C22orf15: variants seen among roughly 807,000 people sequenced by gnomAD.
C22orf15 encodes the protein uncharacterized protein C22orf15.
C22orf15 carries 21 observed loss-of-function variants against 20.3 expected under a neutral mutation model. The ratio of observed to expected loss-of-function variants is 1.04; its 90% CI spans 0.74 to 1.49. The LOEUF is 1.49. C22orf15 is among the 40% of genes most tolerant of loss of function. C22orf15 has a pLI of 0.00. For missense variants in C22orf15, 170 were observed against 191.1 expected (o/e 0.89, Z 0.65); for synonymous variants, 78 against 75.4 (o/e 1.03, Z -0.18).
In C22orf15 at chr22:23,764,812, AG is replaced by A. The variant is rs1404068001; in HGVS notation, c.347del (p.Gly116AlafsTer41). On this transcript the variant is annotated frameshift_variant, in exon 5 of 6. Transcript: ENST00000402217. LOFTEE classifies it high-confidence loss of function. ...TTCCAGAGGAACTGCGCAGGCTGTC[AG>A]GCCTCTCCTCTGTGGGCCACAACTG... The part of the protein sequence containing the change: ...ELAEELRRLS[G>X]LSSVGHNWRK... The A allele has an allele frequency of 1.2e-6, 2 of 1,613,946 alleles. No homozygotes were observed. The highest frequency in any genetic ancestry group is 2.7e-5 in the African/African-American group (2 of 74,940).
intron 5 of C22orf15, 157 bp from the exon 6 acceptor site, chr22:23,765,564 G>A (rs1235518816): frequency 6.5e-7 from 1 of 1,532,000 alleles, no homozygotes; most frequent in Non-Finnish European, 8.8e-7. Context: ...CCCTGATAAG[G>A]GGGAGACCAT....
chr22:23,763,549 C>T lies in C22orf15; in HGVS notation c.25+218C>T, dbSNP rs561158031. On this transcript the variant is annotated intron_variant, in intron 1 of 5. Coordinates refer to ENST00000402217, the MANE Select transcript of C22orf15 (RefSeq NM_182520.3). ...ACCCGAGCTGAGTCCTGCTCATTCA[C>T]AAGGGTTCCTCTCGGCCAGAGACCG... 2.0e-5 allele frequency among the ~76,000 whole-genome samples: 3 copies of T among 152,358 alleles called. No homozygotes were observed. The South Asian group carries it at 6.2e-4, about 32-fold the overall frequency.
In C22orf15 at chr22:23,764,653, G is replaced by A. The variant is rs554903635; in HGVS notation, c.265G>A (p.Ala89Thr). Residue 89 changes from alanine (A) to threonine (T), a missense_variant, in exon 4 of 6, where the codon GCC becomes ACC. Transcript: ENST00000402217. ...LVRIIKGEDMASTRYESLLEN... is the reference protein window; with the variant it reads ...LVRIIKGEDMTSTRYESLLEN... Reference sequence around the variant, plus strand: ...ACATGTCACAGAGGGAGAGGACATGGCCTCCACCCGCTATGAGTCCCTATT... The same window carrying A: ...ACATGTCACAGAGGGAGAGGACATGACCTCCACCCGCTATGAGTCCCTATT... 59 of 1,614,158 alleles carry A rather than the reference G, an allele frequency of 3.7e-5. No individual in the cohort carries two copies. In the South Asian group the frequency reaches 6.0e-4, roughly 17 times the overall value.
rs749086029 is a variant in C22orf15, at chr22:23,764,439, A to T, written c.250+42A>T. Reference sequence around the variant, plus strand: ...TTCTCTCCCCTGCAGCTATGGTAGAATGTAAGAGGGGGGCATAGCAGACCA... The same window carrying T: ...TTCTCTCCCCTGCAGCTATGGTAGATTGTAAGAGGGGGGCATAGCAGACCA... On this transcript the variant is annotated intron_variant, in intron 3 of 5. Coordinates refer to ENST00000402217, the MANE Select transcript of C22orf15 (RefSeq NM_182520.3). 1.2e-5 allele frequency: 20 copies of T among 1,601,762 alleles called. No individual in the cohort carries two copies. In the South Asian group the frequency reaches 2.0e-4, roughly 16 times the overall value.
intron 1 of C22orf15, among the ~76,000 whole-genome samples, chr22:23,763,645 C>G (rs928649470): frequency 2.6e-5 from 4 of 152,268 alleles, no homozygotes; most frequent in Admixed American, 6.5e-5. Flanking sequence ...CCTCAAGCTT[C>G]AGCGTGCATC....
intron 1 of C22orf15, among the ~76,000 whole-genome samples, chr22:23,763,756 G>A (rs1926111119): frequency 6.6e-6 from 1 of 152,210 alleles, no homozygotes; most frequent in Non-Finnish European, 1.5e-5. Context: ...GAGCCGGTGG[G>A]TGCGGAGGGC....
rs1926035485 is a variant in C22orf15 at position 23,763,421 on chromosome 22, G to T, written c.25+90G>T. On this transcript the variant is annotated intron_variant, in intron 1 of 5. Coordinates refer to ENST00000402217, the MANE Select transcript of C22orf15 (RefSeq NM_182520.3). The stretch of plus-strand genomic sequence containing the variant: ...TTCCGCCCTTGCGGTGGGTGGGGAG[G>T]CAATGGCGGGAAAGGGGGGTGGTGC... The T allele has an allele frequency of 2.2e-6, 3 of 1,373,690 alleles. No individual in the cohort carries two copies. The South Asian group carries it at 4.1e-5, about 19-fold the overall frequency. 85.1% of individuals were successfully genotyped at this position (1,373,690 alleles called of 1,614,324 possible). A position where few individuals can be genotyped will look rare whatever the true frequency, so the allele number is the denominator to read the frequency against.
intron 3 of C22orf15, 76 bp downstream of exon 3, chr22:23,764,473 C>T (rs1926339822): frequency 6.2e-7 from 1 of 1,602,766 alleles, no homozygotes; most frequent in Non-Finnish European, 8.5e-7. Context: ...CATAGACCAC[C>T]CAAGGCCCTG....
intron 5 of C22orf15, 110 bp from the exon 6 acceptor site, chr22:23,765,611 C>A: frequency 6.6e-7 from 1 of 1,513,960 alleles, no homozygotes; most frequent in South Asian, 1.3e-5. Flanking sequence ...GAGTCAGATG[C>A]CCTTGGGATC....
At chr22:23,765,024 A>G in intron 5 of C22orf15, 122 bp downstream of exon 5, 1 of 1,503,186 alleles carries the variant, frequency 6.7e-7, no homozygotes, top group Non-Finnish European at 8.8e-7. Flanking sequence ...ACATATGATG[A>G]GGGGCAGACC....
At position 23,764,577 on chromosome 22, in the gene C22orf15, G is replaced by C. The variant is rs148288019; in HGVS notation, c.251-62G>C. 1.1e-5 allele frequency: 17 copies of C among 1,586,862 alleles called. No homozygotes were observed. In the East Asian group the frequency reaches 3.8e-4, roughly 36 times the overall value. On this transcript the variant is annotated intron_variant, in intron 3 of 5. Coordinates refer to ENST00000402217, the MANE Select transcript of C22orf15 (RefSeq NM_182520.3). ...GGACTAGCAAACAGTTCCAGAGTGA[G>C]AGGCAGAGTAGGGACCATTAGGCCA...
At chr22:23,764,561 A>G (rs763394298) in intron 3 of C22orf15, 78 bp from the exon 4 acceptor site, 2 of 1,572,334 alleles carry the variant, frequency 1.3e-6, no homozygotes. Context: ...TGGACTAGCA[A>G]ACAGTTCCAG....
chr22:23,765,089 G>GAC (rs1926542324), intron 5 of C22orf15, 187 bp downstream of exon 5: 1 of 1,443,248 alleles, frequency 6.9e-7, no homozygotes, highest in African/African-American at 1.4e-5. Context: ...TGTACCCTGA[G>GAC]ACAGGTCCCC....
chr22:23,763,985 G>T, intron 1 of C22orf15, 102 bp from the exon 2 acceptor site: 1 of 1,170,680 alleles, frequency 8.5e-7, no homozygotes. Flanking sequence ...CATAGGCCCA[G>T]TCGCAGCTCT....
chr22:23,763,296 C>T lies in C22orf15; in HGVS notation c.-11C>T. 1 of 1,550,364 alleles carries T rather than the reference C, an allele frequency of 6.5e-7. No individual in the cohort carries two copies. Among genetic ancestry groups the T allele is most frequent in the Non-Finnish European group, 8.7e-7 (1 of 1,146,650 alleles). On this transcript the variant is annotated 5_prime_UTR_variant, in exon 1 of 6. Transcript: ENST00000402217. ...TCAAAGCCCCCCACATCTCCCTCAC[C>T]CGCTGCAGCTATGTTTATCAAGGTG...
intron 4 of C22orf15, 24 bp downstream of exon 4, chr22:23,764,737 G>C (rs1430495806): frequency 6.2e-7 from 1 of 1,614,164 alleles, no homozygotes; most frequent in South Asian, 1.1e-5. Flanking sequence ...TACAGCCCAG[G>C]GGGAGGGCAC....
Position 23,763,156 on chromosome 22 carries a change from G to A in C22orf15, c.-151G>A. On this transcript the variant is annotated 5_prime_UTR_variant, in exon 1 of 6. Transcript: ENST00000402217. ...CACAGAGGTGGCTGAGCAGGGGCCTGGCCCTGGGACCCAGCCATCCACACT... is the reference window on the plus strand; with the variant it reads ...CACAGAGGTGGCTGAGCAGGGGCCTAGCCCTGGGACCCAGCCATCCACACT... The A allele has an allele frequency of 2.9e-6, 3 of 1,045,632 alleles. No homozygotes were observed. The highest frequency in any genetic ancestry group is 4.2e-6 in the Non-Finnish European group (3 of 711,564). 64.8% of individuals were successfully genotyped at this position (1,045,632 alleles called of 1,614,324 possible).
At position 23,764,703 on chromosome 22, in the gene C22orf15, A is replaced by G; in HGVS notation, c.315A>G (p.Pro105=). 1 of 1,614,182 alleles carries G rather than the reference A, an allele frequency of 6.2e-7. No homozygotes were observed. The highest frequency in any genetic ancestry group is 8.5e-7 in the Non-Finnish European group (1 of 1,180,020). Reference sequence around the variant, plus strand: ...TGGAGAACCTGGATGACCATTACCCAGAGCTGGCAGGTGAGTGTCAGGGTA... The same window carrying G: ...TGGAGAACCTGGATGACCATTACCCGGAGCTGGCAGGTGAGTGTCAGGGTA... ...SLLENLDDHY[P]ELAEELRRLS... Residue 105 remains proline, a synonymous_variant, in exon 4 of 6, where the codon CCA becomes CCG. Coordinates refer to ENST00000402217, the MANE Select transcript of C22orf15 (RefSeq NM_182520.3).
chr22:23,763,162 G>T lies in C22orf15; in HGVS notation c.-145G>T. On this transcript the variant is annotated 5_prime_UTR_variant, in exon 1 of 6. Transcript: ENST00000402217. ...GGTGGCTGAGCAGGGGCCTGGCCCTGGGACCCAGCCATCCACACTCACACA... is the reference window on the plus strand; with the variant it reads ...GGTGGCTGAGCAGGGGCCTGGCCCTTGGACCCAGCCATCCACACTCACACA... The T allele has an allele frequency of 8.8e-7, 1 of 1,137,144 alleles. No individual in the cohort carries two copies. 70.4% of individuals were successfully genotyped at this position (1,137,144 alleles called of 1,614,324 possible). A position where few individuals can be genotyped will look rare whatever the true frequency, so the allele number is the denominator to read the frequency against.
Sources: gnomAD v4.1 joint callset for allele counts (sites outside exome capture counted in the v4.1 genomes callset) on GRCh38, gnomAD v4.1.1 for gene constraint, MANE v1.5 for transcripts, NCBI Gene and HGNC (gene_info 2026-07-23, HGNC 2026-07-21) for gene names.